PTPRS: variants seen among roughly 807,000 people sequenced by gnomAD.
PTPRS encodes the protein receptor-type tyrosine-protein phosphatase S.
In PTPRS, 63 loss-of-function variants were observed where a neutral mutation model predicts 215.3. The observed-to-expected ratio is 0.29, with a 90% CI of 0.24 to 0.36. The LOEUF is 0.36. PTPRS is among the 10% of genes least tolerant of loss of function. PTPRS has a pLI of 1.00. For synonymous variants in PTPRS, 1,404 were observed against 1,191.4 expected, an observed-to-expected ratio of 1.18 and a Z score of -3.68; for missense variants, 2,258 against 2,825.8, an observed-to-expected ratio of 0.80 and a Z score of 4.56.
In PTPRS at chr19:5,339,017, C is replaced by T. The variant is rs1448956429; in HGVS notation, c.-95+1647G>A. 2.6e-5 allele frequency among the ~76,000 whole-genome samples: 4 copies of T among 152,168 alleles called. No homozygotes were observed. The highest frequency in any genetic ancestry group is 1.3e-4 in the Admixed American group (2 of 15,284). ...GCGTGTGGGTCCCTGTCCTTGGGAC[C>T]CTAGGGGTCTCTTCCTGCCTCCTCC... On this transcript the variant is annotated intron_variant, in intron 1 of 37. Coordinates refer to ENST00000262963, the MANE Select transcript of PTPRS (RefSeq NM_002850.4). This position sits in a 1 kb window ranked among gnomAD's most constrained non-coding sequence, Gnocchi z 4.2.
intron 4 of PTPRS, among the ~76,000 whole-genome samples, chr19:5,271,623 G>C (rs10418418): frequency 0.91 from 138,695 of 151,870 alleles, 63,392 homozygotes; most frequent in African/African-American, 0.96. Context: ...TGGTCTCTAA[G>C]TCCTGACCTC....
chr19:5,217,550 AG>A (rs2041595653), intron 25 of PTPRS, among the ~76,000 whole-genome samples: 1 of 152,110 alleles, frequency 6.6e-6, no homozygotes, highest in Admixed American at 6.5e-5. Flanking sequence ...ACAAAAAAAA[AG>A]AAAGTACATC....
At chr19:5,283,216 C>T (rs2048021030) in intron 2 of PTPRS, among the ~76,000 whole-genome samples, 1 of 152,210 alleles carries the variant, frequency 6.6e-6, no homozygotes, top group South Asian at 2.1e-4. Context: ...CCCACTGGAC[C>T]TGAAGTGGTT....
rs1327088342 is a variant in PTPRS, at chr19:5,295,904, GCCA to G, written c.-94-9673_-94-9671del. On this transcript the variant is annotated intron_variant, in intron 1 of 37. Transcript: ENST00000262963. The surrounding 1 kb of genome is among the most constrained non-coding windows in gnomAD (Gnocchi z 4.6). ...TGAGTAGCTTGGACTACAGGCACAT[GCCA>G]CCACGTCTGGCTAATTTTTGGATTT... Among the ~76,000 whole-genome samples, 5 of 152,216 alleles carry G rather than the reference GCCA, an allele frequency of 3.3e-5. No homozygotes were observed. The East Asian group carries it at 9.7e-4, about 29-fold the overall frequency.
In PTPRS at chr19:5,317,806, C is replaced by A. The variant is rs1221910190; in HGVS notation, c.-95+22858G>T. Reference sequence around the variant, plus strand: ...TGTAATCCCAGCACTGAGGCTGAGACAGGTGGATCACCTGCACTCAGGAGT... The same window carrying A: ...TGTAATCCCAGCACTGAGGCTGAGAAAGGTGGATCACCTGCACTCAGGAGT... On this transcript the variant is annotated intron_variant, in intron 1 of 37. Coordinates refer to ENST00000262963, the MANE Select transcript of PTPRS (RefSeq NM_002850.4). Among the ~76,000 whole-genome samples, 3 of 151,988 alleles carry A rather than the reference C, an allele frequency of 2.0e-5. No homozygotes were observed. In the East Asian group the frequency reaches 5.8e-4, roughly 29 times the overall value.
At chr19:5,303,061 C>A (rs1158722243) in intron 1 of PTPRS, among the ~76,000 whole-genome samples, 2 of 151,930 alleles carry the variant, frequency 1.3e-5, no homozygotes, top group African/African-American at 4.8e-5. Flanking sequence ...CAGAGAGAGA[C>A]CCCGTCTCAA....
intron 1 of PTPRS, among the ~76,000 whole-genome samples, chr19:5,313,301 G>C (rs959689524): frequency 6.6e-6 from 1 of 152,180 alleles, no homozygotes; most frequent in African/African-American, 2.4e-5. Flanking sequence ...AAGTGCCCTG[G>C]AGATGCTCAA....
chr19:5,207,139 C>T (rs1032357370), intron 37 of PTPRS, among the ~76,000 whole-genome samples: 1 of 152,190 alleles, frequency 6.6e-6, no homozygotes, highest in Non-Finnish European at 1.5e-5. Context: ...GGCTGGAGTG[C>T]AGTGGCGCCA....
chr19:5,267,220 G>A (rs943500908), intron 4 of PTPRS, among the ~76,000 whole-genome samples: 6 of 151,944 alleles, frequency 3.9e-5, no homozygotes, highest in Admixed American at 3.3e-4. Context: ...GGGGGCGGGG[G>A]GGAGCGGGGA....
chr19:5,209,071 C>T (rs533859661), intron 35 of PTPRS, among the ~76,000 whole-genome samples: 3 of 152,258 alleles, frequency 2.0e-5, no homozygotes, highest in Admixed American at 1.3e-4. Flanking sequence ...CCACCCACTG[C>T]TGGTAACTCA....
chr19:5,335,183 G>A (rs571757091), intron 1 of PTPRS, among the ~76,000 whole-genome samples: 9 of 152,268 alleles, frequency 5.9e-5, no homozygotes, highest in Middle Eastern at 3.4e-3. Context: ...TGGCTTCTCC[G>A]CCCGCCGGAT....
At chr19:5,336,028 AAGAG>A (rs944244087) in intron 1 of PTPRS, among the ~76,000 whole-genome samples, 4 of 150,940 alleles carry the variant, frequency 2.7e-5, no homozygotes, top group Admixed American at 6.6e-5. Context: ...AAAAAAAAAA[AAGAG>A]AGAGACAAAA....
rs1457879621 is a variant in PTPRS, at chr19:5,214,439, G to A, written c.4536C>T (p.Thr1512=). 1.9e-6 allele frequency: 3 copies of A among 1,614,188 alleles called. No homozygotes were observed. The Admixed American group carries it at 5.0e-5, about 27-fold the overall frequency. ...DQYWPNRGTE[T]YGFIQVTLLD... ...GCAACGTGACCTGGATGAAGCCGTA[G>A]GTCTCCGTGCCTCTGTTGGGCCAAT... is the stretch of plus-strand genomic sequence containing the variant. The change falls in exon 30 of 38, where the codon ACC becomes ACT. Residue 1512 remains threonine (T), a synonymous_variant. Coordinates refer to ENST00000262963, the MANE Select transcript of PTPRS (RefSeq NM_002850.4).
At chr19:5,310,887 TTTA>T (rs956304702) in intron 1 of PTPRS, among the ~76,000 whole-genome samples, 6 of 151,818 alleles carry the variant, frequency 4.0e-5, no homozygotes, top group Admixed American at 2.0e-4. Context: ...TGTATTTTTA[TTTA>T]TTATTATTAT....
intron 4 of PTPRS, among the ~76,000 whole-genome samples, chr19:5,266,237 C>T (rs1285329690): frequency 5.3e-5 from 8 of 150,918 alleles, no homozygotes; most frequent in South Asian, 2.1e-4. Flanking sequence ...CTAGCCTGGG[C>T]GACAGAGTGA....
chr19:5,275,635 G>A (rs1350299746), intron 2 of PTPRS, among the ~76,000 whole-genome samples: 4 of 151,842 alleles, frequency 2.6e-5, no homozygotes, highest in East Asian at 3.9e-4. Context: ...GTGAAACCCC[G>A]TCTCTACTAA....
chr19:5,221,395 C>T, intron 19 of PTPRS, 142 bp from the exon 20 acceptor site: 2 of 1,102,720 alleles, frequency 1.8e-6, no homozygotes, highest in Non-Finnish European at 1.3e-6. Context: ...ACTGACTGAT[C>T]CCTGATCCCA....
intron 4 of PTPRS, among the ~76,000 whole-genome samples, chr19:5,270,801 T>C (rs2046844390): frequency 6.6e-6 from 1 of 152,150 alleles, no homozygotes; most frequent in Non-Finnish European, 1.5e-5. Context: ...CACACCACCA[T>C]GCCTGGCTAA....
intron 11 of PTPRS, among the ~76,000 whole-genome samples, chr19:5,242,143 C>G (rs575538010): frequency 6.6e-6 from 1 of 151,706 alleles, no homozygotes; most frequent in Non-Finnish European, 1.5e-5. Flanking sequence ...CAGCAGTTTT[C>G]ATTATTTCAG....
Sources: gnomAD v4.1 joint callset for allele counts (sites outside exome capture counted in the v4.1 genomes callset) on GRCh38, gnomAD v4.1.1 for gene constraint, Gnocchi (gnomAD v3.1) non-coding constraint, MANE v1.5 for transcripts, NCBI Gene and HGNC (gene_info 2026-07-23, HGNC 2026-07-21) for gene names.